Variants in SLC24A2 observed in about 807,000 individuals in gnomAD.
SLC24A2 encodes the protein solute carrier family 24 member 2.
SLC24A2 carries 36 observed loss-of-function variants against 62.0 expected under a neutral mutation model. The ratio of observed to expected loss-of-function variants is 0.58; its 90% confidence interval spans 0.44 to 0.77. The LOEUF (loss-of-function observed/expected upper bound fraction) is 0.77. Among genes scored for constraint, SLC24A2 ranks in the 30% least tolerant of loss-of-function variants. The probability of loss-of-function intolerance (pLI) is 0.00; values close to 1 mark genes in which losing one functional copy is unlikely to be tolerated. For missense variants in SLC24A2, 846 were observed against 817.9 expected (o/e 1.03, Z -0.42); for synonymous variants, 358 against 294.0 (o/e 1.22, Z -2.23).
intron 7 of SLC24A2, among the ~76,000 whole-genome samples, chr9:19,563,821 C>CCTTT (rs1835529744): frequency 1.0e-5 from 1 of 97,926 alleles, no homozygotes; most frequent in Admixed American, 1.0e-4. Flanking sequence ...TTCCTTCCTT[C>CCTTT]CTTCCTCCCT....
At chr9:19,941,696 C>A in the SLC24A2 span, among the ~76,000 whole-genome samples, 2 of 151,886 alleles carry the variant, frequency 1.3e-5, no homozygotes, top group African/African-American at 4.8e-5. Flanking sequence ...ATTTGTAATT[C>A]CACATTTACT....
At chr9:20,076,008 C>T in the SLC24A2 span, among the ~76,000 whole-genome samples, 2 of 152,072 alleles carry the variant, frequency 1.3e-5, no homozygotes, top group African/African-American at 4.8e-5. Flanking sequence ...AATGCAAATG[C>T]CATGTAAATA....
At chr9:20,248,341 G>T in the SLC24A2 span, among the ~76,000 whole-genome samples, 10 of 152,174 alleles carry the variant, frequency 6.6e-5, no homozygotes, top group Non-Finnish European at 1.0e-4. Context: ...CATCTTATTT[G>T]GTTCGGGCTG....
chr9:19,803,615 A>C, the SLC24A2 span, among the ~76,000 whole-genome samples: 1 of 152,196 alleles, frequency 6.6e-6, no homozygotes, highest in Non-Finnish European at 1.5e-5. Flanking sequence ...ATATAAAATA[A>C]ATGTTTTCTC....
the SLC24A2 span, among the ~76,000 whole-genome samples, chr9:20,027,871 CAAAACATAATGCT>C: frequency 6.6e-6 from 1 of 152,020 alleles, no homozygotes; most frequent in South Asian, 2.1e-4. Flanking sequence ...ATATATACTT[CAAAACATAATGCT>C]TTACATGATA....
the SLC24A2 span, among the ~76,000 whole-genome samples, chr9:19,948,626 G>A: frequency 0.5 from 75,388 of 151,640 alleles, 19,279 homozygotes; most frequent in Non-Finnish European, 0.56. Context: ...GGGAGGCCGA[G>A]GCGGGCGGAT....
At chr9:19,968,773 C>T in the SLC24A2 span, among the ~76,000 whole-genome samples, 2 of 152,162 alleles carry the variant, frequency 1.3e-5, no homozygotes, top group Non-Finnish European at 2.9e-5. Context: ...ACGTCATTAA[C>T]AGATTGCTCC....
At chr9:19,903,170 G>C in the SLC24A2 span, among the ~76,000 whole-genome samples, 1 of 152,024 alleles carries the variant, frequency 6.6e-6, no homozygotes, top group Non-Finnish European at 1.5e-5. Context: ...ACCACAGACT[G>C]GGTGGTTTTA....
At chr9:19,622,111 G>A (rs577405458) in intron 3 of SLC24A2, 150 bp downstream of exon 3, 45 of 660,458 alleles carry the variant, frequency 6.8e-5, no homozygotes, top group African/African-American at 5.6e-4. Flanking sequence ...ATTGTAGCAC[G>A]GAGTAGAAGT....
the SLC24A2 span, among the ~76,000 whole-genome samples, chr9:20,278,073 C>T: frequency 6.6e-6 from 1 of 151,868 alleles, no homozygotes; most frequent in Non-Finnish European, 1.5e-5. Context: ...ACATCACACG[C>T]CAGGGTCTGT....
At chr9:19,975,690 C>G in the SLC24A2 span, among the ~76,000 whole-genome samples, 1 of 152,036 alleles carries the variant, frequency 6.6e-6, no homozygotes, top group African/African-American at 2.4e-5. Flanking sequence ...TGCTTTATCT[C>G]TAAATCTGGT....
the SLC24A2 span, among the ~76,000 whole-genome samples, chr9:20,195,408 A>C: frequency 2.0e-5 from 3 of 152,056 alleles, no homozygotes; most frequent in Non-Finnish European, 4.4e-5. Context: ...TTGATGTTTT[A>C]ATTTATATTT....
the SLC24A2 span, among the ~76,000 whole-genome samples, chr9:20,209,414 C>T: frequency 2.6e-5 from 4 of 152,162 alleles, no homozygotes; most frequent in African/African-American, 9.7e-5. Context: ...CCTCTGTGTC[C>T]TGTAAAAATA....
At chr9:19,900,799 C>T in the SLC24A2 span, among the ~76,000 whole-genome samples, 1 of 152,158 alleles carries the variant, frequency 6.6e-6, no homozygotes, top group South Asian at 2.1e-4. Context: ...CTAACACTTA[C>T]CCTAAAACCC....
intron 3 of SLC24A2, among the ~76,000 whole-genome samples, chr9:19,621,385 G>C (rs1817905195): frequency 6.6e-6 from 1 of 152,172 alleles, no homozygotes. Context: ...CTCAATGAAT[G>C]TTATGTCTTT....
At chr9:19,698,307 C>T (rs1820252293) in intron 2 of SLC24A2, among the ~76,000 whole-genome samples, 1 of 152,136 alleles carries the variant, frequency 6.6e-6, no homozygotes, top group Non-Finnish European at 1.5e-5. Context: ...AAATCACCTT[C>T]AGACTATGTG....
chr9:19,755,462 C>T (rs1822112028), intron 2 of SLC24A2, among the ~76,000 whole-genome samples: 1 of 152,166 alleles, frequency 6.6e-6, no homozygotes, highest in African/African-American at 2.4e-5. Flanking sequence ...ATAATTGAAA[C>T]TTATTAAGTG....
chr9:19,518,314 C>T (rs1452312494), intron 10 of SLC24A2, among the ~76,000 whole-genome samples: 1 of 152,040 alleles, frequency 6.6e-6, no homozygotes, highest in Non-Finnish European at 1.5e-5. Flanking sequence ...CATACATACA[C>T]ACAAATAGCA....
chr9:19,794,516 C>G, the SLC24A2 span, among the ~76,000 whole-genome samples: 18 of 151,070 alleles, frequency 1.2e-4, no homozygotes, highest in African/African-American at 4.4e-4. Context: ...ATCTGTACAT[C>G]AAACCCCTGT....
Sources: allele counts gnomAD v4.1 joint callset (sites outside exome capture counted in the v4.1 genomes callset), GRCh38; gene constraint gnomAD v4.1.1; transcripts MANE v1.5; gene names NCBI Gene and HGNC (gene_info 2026-07-23, HGNC 2026-07-21).